ANKDD1B: variants seen among roughly 807,000 people sequenced by gnomAD.
ANKDD1B encodes ankyrin repeat and death domain-containing protein 1B.
Under a neutral mutation model 59.7 loss-of-function variants are expected in ANKDD1B, and 57 were observed. The ratio of observed to expected loss-of-function variants is 0.95; its 90% confidence interval spans 0.77 to 1.19. ANKDD1B has a LOEUF of 1.19. Among genes scored for constraint, ANKDD1B ranks in the 50% most tolerant of loss-of-function variants. ANKDD1B has a pLI of 0.00. For synonymous variants in ANKDD1B, 216 were observed against 239.5 expected (o/e 0.90, Z 0.91); for missense variants, 602 against 641.9 (o/e 0.94, Z 0.67).
intron 5 of ANKDD1B, among the ~76,000 whole-genome samples, chr5:75,633,845 C>G (rs1581138240): frequency 6.6e-6 from 1 of 152,132 alleles, no homozygotes; most frequent in African/African-American, 2.4e-5. Context: ...TCATGAATGG[C>G]TTGGTGACAT....
At chr5:75,654,557 G>A (rs892614517) in intron 8 of ANKDD1B, among the ~76,000 whole-genome samples, 4 of 152,116 alleles carry the variant, frequency 2.6e-5, no homozygotes, top group Non-Finnish European at 5.9e-5. Flanking sequence ...GTGCATGCCT[G>A]TAGCCTCAGC....
Position 75,664,980 on chromosome 5 carries a change from C to T in ANKDD1B, c.1191+1491C>T, listed in dbSNP as rs1359781610. 3.3e-5 allele frequency among the ~76,000 whole-genome samples: 5 copies of T among 152,210 alleles called. No homozygotes were observed. In the East Asian group the frequency reaches 5.8e-4, roughly 18 times the overall value. ...TGTTCATTGAACAAGTTTATATCCT[C>T]GCCTAATATAAAATGGTTCCTAGTA... On this transcript the variant is annotated intron_variant, in intron 11 of 13. Transcript: ENST00000601380.
At chr5:75,652,602 C>G (rs540632272) in intron 7 of ANKDD1B, among the ~76,000 whole-genome samples, 1 of 152,312 alleles carries the variant, frequency 6.6e-6, no homozygotes, top group South Asian at 2.1e-4. Flanking sequence ...GACACACCAC[C>G]AAGCCCAGCT....
chr5:75,627,752 A>T (rs896111336), intron 5 of ANKDD1B, among the ~76,000 whole-genome samples: 1 of 152,138 alleles, frequency 6.6e-6, no homozygotes, highest in Admixed American at 6.5e-5. Context: ...ATGTGCCCTG[A>T]TTGCTTCCAT....
intron 6 of ANKDD1B, chr5:75,635,484 C>T (rs1349159526): frequency 7.6e-6 from 2 of 261,856 alleles, no homozygotes; most frequent in African/African-American, 2.2e-5. Flanking sequence ...CACCATTTTA[C>T]CCTCACAGAG....
chr5:75,636,645 G>T (rs1253267284), intron 7 of ANKDD1B, among the ~76,000 whole-genome samples: 1 of 152,176 alleles, frequency 6.6e-6, no homozygotes, highest in Non-Finnish European at 1.5e-5. Flanking sequence ...TGCCAGGAGA[G>T]CCCAGAAGTG....
chr5:75,632,000 A>C (rs1025278699), intron 5 of ANKDD1B, among the ~76,000 whole-genome samples: 1 of 151,408 alleles, frequency 6.6e-6, no homozygotes, highest in African/African-American at 2.4e-5. Flanking sequence ...CCAGTTACTT[A>C]GGAGGCTGAC....
intron 11 of ANKDD1B, among the ~76,000 whole-genome samples, chr5:75,665,810 C>A (rs1775290847): frequency 6.6e-6 from 1 of 152,168 alleles, no homozygotes; most frequent in Non-Finnish European, 1.5e-5. Context: ...AGTTTTTAAA[C>A]CCAGGGTCCT....
At chr5:75,656,443 T>TC (rs1306082407) in intron 9 of ANKDD1B, among the ~76,000 whole-genome samples, 4 of 152,038 alleles carry the variant, frequency 2.6e-5, no homozygotes, top group Non-Finnish European at 5.9e-5. Flanking sequence ...CAAAAGCCAC[T>TC]CCCCCAGAGT....
chr5:75,621,462 CTTTT>C (rs1032290263), intron 3 of ANKDD1B, among the ~76,000 whole-genome samples: 73 of 147,082 alleles, frequency 5.0e-4, no homozygotes, highest in African/African-American at 1.7e-3. Context: ...TCCATGCATT[CTTTT>C]TTTTTTTAAT....
intron 5 of ANKDD1B, among the ~76,000 whole-genome samples, chr5:75,633,338 A>C (rs1215263560): frequency 6.6e-6 from 1 of 152,190 alleles, no homozygotes; most frequent in Non-Finnish European, 1.5e-5. Context: ...TCCAGCTTCC[A>C]TACATGCATA....
At chr5:75,639,646 G>A (rs958895015) in intron 7 of ANKDD1B, among the ~76,000 whole-genome samples, 1 of 152,208 alleles carries the variant, frequency 6.6e-6, no homozygotes, top group African/African-American at 2.4e-5. Context: ...TTAGCTATGA[G>A]TAAAGCCTTC....
chr5:75,612,584 A>G (rs2112947568), intron 1 of ANKDD1B, among the ~76,000 whole-genome samples: 3 of 152,150 alleles, frequency 2.0e-5, no homozygotes, highest in Middle Eastern at 6.8e-3. Flanking sequence ...TTCTAGAACT[A>G]TTTTCAAGGG....
chr5:75,660,793 C>T (rs1303751057), intron 10 of ANKDD1B, among the ~76,000 whole-genome samples: 8 of 152,312 alleles, frequency 5.3e-5, no homozygotes, highest in South Asian at 2.1e-4. Context: ...TTGGGTCACA[C>T]GCATAGTAAG....
intron 7 of ANKDD1B, among the ~76,000 whole-genome samples, chr5:75,650,423 G>C (rs1270637570): frequency 1.3e-5 from 2 of 152,192 alleles, no homozygotes; most frequent in African/African-American, 4.8e-5. Context: ...AAGAGACAAG[G>C]AAGTGGATTC....
At position 75,671,076 on chromosome 5, in the gene ANKDD1B, T is replaced by A; in HGVS notation, c.*36T>A. 1 of 1,037,824 alleles carries A rather than the reference T, an allele frequency of 9.6e-7. No individual in the cohort carries two copies. Among genetic ancestry groups the A allele is most frequent in the Non-Finnish European group, 1.2e-6 (1 of 810,604 alleles). 64.3% of individuals were successfully genotyped at this position (1,037,824 alleles called of 1,614,324 possible). ...AAATTGTATTTACATGATTTTCCAC[T>A]CAGCATTCAGTTCTTTTAATGCCAT... On this transcript the variant is annotated 3_prime_UTR_variant, in exon 14 of 14. Transcript: ENST00000601380.
At chr5:75,669,148 G>A in intron 12 of ANKDD1B, 104 bp from the exon 13 acceptor site, 2 of 1,143,378 alleles carry the variant, frequency 1.7e-6, no homozygotes, top group Non-Finnish European at 2.2e-6. Context: ...AAGAGGAACA[G>A]GCAAGCAAAC....
chr5:75,622,231 G>C (rs1032113702), intron 3 of ANKDD1B, among the ~76,000 whole-genome samples: 3 of 152,220 alleles, frequency 2.0e-5, no homozygotes, highest in Non-Finnish European at 4.4e-5. Flanking sequence ...AGAAGTCATT[G>C]CTATTTAAAG....
chr5:75,620,457 A>G (rs1294413587), intron 3 of ANKDD1B, 44 bp downstream of exon 3: 5 of 1,044,386 alleles, frequency 4.8e-6, no homozygotes, highest in Non-Finnish European at 7.1e-6. Context: ...TAACCAATGT[A>G]CAGGGAGAAT....
Sources: allele counts gnomAD v4.1 joint callset (sites outside exome capture counted in the v4.1 genomes callset), GRCh38; gene constraint gnomAD v4.1.1; transcripts MANE v1.5; gene names NCBI Gene and HGNC (gene_info 2026-07-23, HGNC 2026-07-21).